SLMAP: variants seen among roughly 807,000 people sequenced by gnomAD.
SLMAP encodes the protein sarcolemma associated protein.
Under a neutral mutation model 128.8 loss-of-function variants are expected in SLMAP, and 44 were observed. The ratio of observed to expected loss-of-function variants is 0.34; its 90% CI spans 0.27 to 0.44. The LOEUF (loss-of-function observed/expected upper bound fraction) is 0.44. Among genes scored for constraint, SLMAP ranks in the 20% least tolerant of loss-of-function variants. The pLI is 1.00. For synonymous variants in SLMAP, 327 were observed against 348.8 expected (o/e 0.94, Z 0.70); for missense variants, 787 against 985.3 (o/e 0.80, Z 2.69).
intron 2 of SLMAP, among the ~76,000 whole-genome samples, chr3:57,785,033 A>G (rs34918206): frequency 0.16 from 24,058 of 152,148 alleles, 2,455 homozygotes; most frequent in East Asian, 0.43. Flanking sequence ...GATTTTATAT[A>G]TATATATAGT....
chr3:57,921,691 T>C (rs1476028992), intron 22 of SLMAP, among the ~76,000 whole-genome samples: 1 of 152,140 alleles, frequency 6.6e-6, no homozygotes, highest in Middle Eastern at 3.2e-3. Flanking sequence ...AATGACTTAG[T>C]TGATAACCTA....
intron 13 of SLMAP, among the ~76,000 whole-genome samples, chr3:57,869,601 C>T (rs1360433109): frequency 1.6e-5 from 2 of 123,144 alleles, no homozygotes; most frequent in Non-Finnish European, 1.6e-5. Flanking sequence ...GCACTTGATC[C>T]TAGACAACAT....
intron 5 of SLMAP, among the ~76,000 whole-genome samples, chr3:57,849,076 G>A (rs538428449): frequency 3.3e-5 from 5 of 151,082 alleles, no homozygotes; most frequent in Non-Finnish European, 4.4e-5. Flanking sequence ...AGCGTGACAC[G>A]GGGTTTCACC....
chr3:57,788,089 T>C (rs2084634356), intron 2 of SLMAP, among the ~76,000 whole-genome samples: 1 of 152,212 alleles, frequency 6.6e-6, no homozygotes, highest in African/African-American at 2.4e-5. Context: ...AAGTACATTC[T>C]AGGCAGCACT....
chr3:57,774,724 T>G (rs1318736340), intron 2 of SLMAP, among the ~76,000 whole-genome samples: 1 of 151,870 alleles, frequency 6.6e-6, no homozygotes, highest in Non-Finnish European at 1.5e-5. Flanking sequence ...TGGGCTTTCA[T>G]CATGTTGGCC....
chr3:57,897,230 T>A, intron 17 of SLMAP: 1 of 613,284 alleles, frequency 1.6e-6, no homozygotes. Context: ...TTATTAGCGC[T>A]TTTAACATAA....
At chr3:57,860,280 C>T (rs908664335) in intron 8 of SLMAP, among the ~76,000 whole-genome samples, 2 of 152,100 alleles carry the variant, frequency 1.3e-5, no homozygotes, top group African/African-American at 2.4e-5. Context: ...CTTTTCCTGC[C>T]CCAGACATGA....
At chr3:57,912,308 C>T in intron 19 of SLMAP, 73 bp from the exon 20 acceptor site, 1 of 1,271,174 alleles carries the variant, frequency 7.9e-7, no homozygotes, top group Non-Finnish European at 1.1e-6. Flanking sequence ...CCAGGTTATG[C>T]ATTAGCTACA....
chr3:57,848,442 G>C (rs542927725), intron 5 of SLMAP, among the ~76,000 whole-genome samples: 5 of 115,836 alleles, frequency 4.3e-5, no homozygotes, highest in African/African-American at 1.3e-4. Context: ...TTTCTTCTTC[G>C]TCCTTCTTCC....
intron 2 of SLMAP, among the ~76,000 whole-genome samples, chr3:57,781,408 T>C (rs2083037181): frequency 6.6e-6 from 1 of 152,262 alleles, no homozygotes; most frequent in Non-Finnish European, 1.5e-5. Context: ...GTTTATATAC[T>C]GATATGGGAG....
At chr3:57,924,679 A>G (rs1244963128) in intron 23 of SLMAP, among the ~76,000 whole-genome samples, 2 of 152,082 alleles carry the variant, frequency 1.3e-5, no homozygotes, top group East Asian at 3.9e-4. Flanking sequence ...GCCTGTCTTT[A>G]TATACCAAAC....
At chr3:57,925,335 T>TCTC (rs138352066) in intron 23 of SLMAP, among the ~76,000 whole-genome samples, 8 of 112,976 alleles carry the variant, frequency 7.1e-5, no homozygotes, top group Admixed American at 2.8e-4. Flanking sequence ...TTTCTTTCTC[T>TCTC]TTTTTTTTTT....
intron 3 of SLMAP, among the ~76,000 whole-genome samples, chr3:57,834,912 A>G (rs1054377054): frequency 8.6e-5 from 13 of 152,024 alleles, no homozygotes. Context: ...GCTTGAGCCA[A>G]GTAGGTTGAT....
chr3:57,854,915 TA>T (rs1381451627), intron 6 of SLMAP, among the ~76,000 whole-genome samples: 4 of 152,332 alleles, frequency 2.6e-5, no homozygotes, highest in Admixed American at 2.6e-4. Context: ...TGTACTTACA[TA>T]ACCTAGATGG....
intron 20 of SLMAP, 97 bp downstream of exon 20, chr3:57,912,798 T>C (rs2096728359): frequency 1.1e-6 from 1 of 914,746 alleles, no homozygotes; most frequent in Non-Finnish European, 1.6e-6. Context: ...TTTTTCTTTG[T>C]TAGCTATCAG....
intron 14 of SLMAP, among the ~76,000 whole-genome samples, chr3:57,889,823 A>G (rs1018983557): frequency 1.3e-5 from 2 of 152,188 alleles, no homozygotes; most frequent in Admixed American, 1.3e-4. Flanking sequence ...ATAAAAGGCA[A>G]ATTGTCTGCC....
At chr3:57,793,568 C>T (rs2085994138) in intron 2 of SLMAP, among the ~76,000 whole-genome samples, 1 of 152,086 alleles carries the variant, frequency 6.6e-6, no homozygotes, top group East Asian at 1.9e-4. Context: ...GCAGCAAATC[C>T]AGCATAATTA....
chr3:57,831,553 T>C, intron 3 of SLMAP, 23 bp downstream of exon 3: 1 of 1,428,186 alleles, frequency 7.0e-7, no homozygotes, highest in Non-Finnish European at 9.3e-7. Context: ...ATCACTTTTT[T>C]TATTACTTGT....
intron 14 of SLMAP, 94 bp downstream of exon 14, chr3:57,871,792 A>G: frequency 2.2e-6 from 2 of 920,296 alleles, no homozygotes; most frequent in Admixed American, 1.9e-5. Flanking sequence ...TGTGTTTGTT[A>G]TAGCAGAAGT....
Sources: gnomAD v4.1 joint callset for allele counts (sites outside exome capture counted in the v4.1 genomes callset) on GRCh38, gnomAD v4.1.1 for gene constraint, MANE v1.5 for transcripts, NCBI Gene and HGNC (gene_info 2026-07-23, HGNC 2026-07-21) for gene names.